Variants in TMEM63B observed in about 807,000 individuals in gnomAD.
TMEM63B encodes the protein transmembrane protein 63B.
TMEM63B carries 23 observed loss-of-function variants against 102.6 expected under a neutral mutation model. The observed-to-expected ratio is 0.22, with a 90% confidence interval of 0.16 to 0.32. The LOEUF is 0.32. TMEM63B is among the 10% of genes least tolerant of loss of function. TMEM63B has a pLI of 1.00. For synonymous variants in TMEM63B, 444 were observed against 437.0 expected (o/e 1.02, Z -0.20); for missense variants, 628 against 1,095.9 (o/e 0.57, Z 6.03).
chr6:44,154,322 G>GAA (rs1767534513), intron 22 of TMEM63B, 43 bp from the exon 23 acceptor site: 7 of 1,607,594 alleles, frequency 4.4e-6, no homozygotes, highest in Non-Finnish European at 6.0e-6. Flanking sequence ...GATCAGGGCT[G>GAA]AGGACATGCC....
In TMEM63B at chr6:44,152,104, G is replaced by A. The variant is rs1361210172; in HGVS notation, c.1836+96G>A. On this transcript the variant is annotated intron_variant, in intron 19 of 23. Transcript: ENST00000323267. This position sits in a 1 kb window ranked among gnomAD's most constrained non-coding sequence, Gnocchi z 6.4. ...GCGCTAGGGTTGAGGGGCACAGGAG[G>A]GCTGAGACTTGGGGAGTACAGTTGA... 3 of 1,421,404 alleles carry A rather than the reference G, an allele frequency of 2.1e-6. No homozygotes were observed. The highest frequency in any genetic ancestry group is 2.7e-5 in the Admixed American group (1 of 36,756). The allele number at this position is 1,421,404 out of a possible 1,614,324, so 88.0% of individuals were successfully genotyped here. A position where few individuals can be genotyped will look rare whatever the true frequency, so the allele number is the denominator to read the frequency against.
chr6:44,147,566 C>T, intron 12 of TMEM63B, 66 bp downstream of exon 12: 1 of 1,581,306 alleles, frequency 6.3e-7, no homozygotes, highest in Non-Finnish European at 8.6e-7. Flanking sequence ...AAGGCTGGGG[C>T]CCTGCCCTCA....
chr6:44,150,051 T>C lies in TMEM63B; in HGVS notation c.1520+86T>C. ...CTGGGCAGCACTTTGCCCTTCAGGC[T>C]CCTGGCCCTGGGCAGTCCCACAGCT... On this transcript the variant is annotated intron_variant, in intron 16 of 23. Transcript: ENST00000323267. The surrounding 1 kb of genome is among the most constrained non-coding windows in gnomAD (Gnocchi z 4.7). 1 of 1,449,336 alleles carries C rather than the reference T, an allele frequency of 6.9e-7. No individual in the cohort carries two copies. Among genetic ancestry groups the C allele is most frequent in the Non-Finnish European group, 9.5e-7 (1 of 1,052,116 alleles). The allele number at this position is 1,449,336 out of a possible 1,614,324, so 89.8% of individuals were successfully genotyped here. A position where few individuals can be genotyped will look rare whatever the true frequency, so the allele number is the denominator to read the frequency against.
In TMEM63B at chr6:44,149,398, G is replaced by A. The variant is rs544393182; in HGVS notation, c.1413+453G>A. 1.2e-4 allele frequency: 35 copies of A among 299,544 alleles called. No homozygotes were observed. In the South Asian group the frequency reaches 1.3e-3, roughly 11 times the overall value. The allele number at this position is 299,544 out of a possible 1,614,324, so 18.6% of individuals were successfully genotyped here. A position where few individuals can be genotyped will look rare whatever the true frequency, so the allele number is the denominator to read the frequency against. ...CCTCACCTCTCCTCCCACGCATAGA[G>A]CATACCTCTTTAGAACCTCAGAGTT... On this transcript the variant is annotated intron_variant, in intron 15 of 23. Coordinates refer to ENST00000323267, the MANE Select transcript of TMEM63B (RefSeq NM_018426.3).
At chr6:44,138,657 C>T in intron 6 of TMEM63B, 140 bp downstream of exon 6, 3 of 965,166 alleles carry the variant, frequency 3.1e-6, no homozygotes. Context: ...CTCTCAAAGG[C>T]CAAGCCTCGG....
At position 44,149,970 on chromosome 6, in the gene TMEM63B, G is replaced by A; in HGVS notation, c.1520+5G>A. The stretch of plus-strand genomic sequence containing the variant: ...CTTTGAAGCCCACTGGACACGGTAA[G>A]GTGCCTCCACTCACACCACACCTCG... On this transcript the variant is annotated splice_donor_5th_base_variant and intron_variant, in intron 16 of 23. Coordinates refer to ENST00000323267, the MANE Select transcript of TMEM63B (RefSeq NM_018426.3). The A allele has an allele frequency of 6.2e-7, 1 of 1,611,984 alleles. No individual in the cohort carries two copies. The highest frequency in any genetic ancestry group is 8.5e-7 in the Non-Finnish European group (1 of 1,178,910).
chr6:44,152,039 A>AC lies in TMEM63B; in HGVS notation c.1836+32dup. 1 of 1,565,886 alleles carries AC rather than the reference A, an allele frequency of 6.4e-7. No homozygotes were observed. ...GCCGCCTGGGGCAGCAGCGGCCCGC[A>AC]CAGCGCCCCCTGGTGGCCCAACAAG... is the stretch of plus-strand genomic sequence containing the variant. On this transcript the variant is annotated intron_variant, in intron 19 of 23. Transcript: ENST00000323267. The surrounding 1 kb of genome is among the most constrained non-coding windows in gnomAD (Gnocchi z 6.4).
chr6:44,144,059 C>T (rs1415943810), intron 10 of TMEM63B, among the ~76,000 whole-genome samples: 1 of 152,166 alleles, frequency 6.6e-6, no homozygotes, highest in African/African-American at 2.4e-5. Context: ...AGCCTATAAG[C>T]AGGGGTAAGG....
intron 5 of TMEM63B, 24 bp from the exon 6 acceptor site, chr6:44,138,456 G>T (rs758246697): frequency 6.2e-7 from 1 of 1,613,894 alleles, no homozygotes; most frequent in South Asian, 1.1e-5. Context: ...GGGGACTCCC[G>T]CTGACAGCCC....
chr6:44,134,895 C>A, intron 2 of TMEM63B, 122 bp from the exon 3 acceptor site: 1 of 1,490,390 alleles, frequency 6.7e-7, no homozygotes, highest in Admixed American at 1.8e-5. Context: ...CGCCTTTGAC[C>A]ATTCACCCAA....
chr6:44,128,549 G>C (rs1422904846), intron 1 of TMEM63B, among the ~76,000 whole-genome samples: 1 of 152,272 alleles, frequency 6.6e-6, no homozygotes, highest in African/African-American at 2.4e-5. Flanking sequence ...AGGTCAGAGG[G>C]GCTGGCTGCC....
In TMEM63B at chr6:44,136,384, G is replaced by A. The variant is rs750572327; in HGVS notation, c.314G>A (p.Arg105Gln). 3.0e-5 allele frequency: 48 copies of A among 1,614,054 alleles called. No individual in the cohort carries two copies. The highest frequency in any genetic ancestry group is 9.3e-5 in the African/African-American group (7 of 75,016). ...GCTATGCACGGGGACAGCCATGACC[G>A]GTATGAGCGTCTCACCTCTGTCTCC... ...ASAMHGDSHD[R>Q]YERLTSVSSS... The change falls in exon 5 of 24, where the codon CGG becomes CAG. Residue 105 changes from arginine to glutamine, a missense_variant. This residue lies in a region of TMEM63B where 336 missense variants were observed against 580.3 expected (regional missense o/e 0.58). Coordinates refer to ENST00000323267, the MANE Select transcript of TMEM63B (RefSeq NM_018426.3).
intron 8 of TMEM63B, among the ~76,000 whole-genome samples, 166 bp from the exon 9 acceptor site, chr6:44,140,086 A>G (rs1763922201): frequency 6.6e-6 from 1 of 152,134 alleles, no homozygotes; most frequent in Non-Finnish European, 1.5e-5. Context: ...TTTGGTGTCT[A>G]GGGGATGTGG....
chr6:44,152,774 A>T lies in TMEM63B; in HGVS notation c.1942+76A>T. ...TTCACCCTCTCCACTCTAGGAATGCAGGCCACCCCGAGTGGACAGGGCCCG... is the reference window on the plus strand; with the variant it reads ...TTCACCCTCTCCACTCTAGGAATGCTGGCCACCCCGAGTGGACAGGGCCCG... On this transcript the variant is annotated intron_variant, in intron 20 of 23. Coordinates refer to ENST00000323267, the MANE Select transcript of TMEM63B (RefSeq NM_018426.3). This position sits in a 1 kb window ranked among gnomAD's most constrained non-coding sequence, Gnocchi z 6.4. 7.8e-7 allele frequency: 1 copy of T among 1,276,726 alleles called. No individual in the cohort carries two copies. The highest frequency in any genetic ancestry group is 1.8e-5 in the Admixed American group (1 of 54,440). The allele number at this position is 1,276,726 out of a possible 1,614,324, so 79.1% of individuals were successfully genotyped here.
chr6:44,151,619 A>C (rs1347288703), intron 18 of TMEM63B, among the ~76,000 whole-genome samples: 1 of 151,196 alleles, frequency 6.6e-6, no homozygotes, highest in Non-Finnish European at 1.5e-5. Context: ...GGTCTTGAGC[A>C]CTCTCTCCAT....
Position 44,150,479 on chromosome 6 carries a change from G to A in TMEM63B, c.1608-85G>A. 6.5e-7 allele frequency: 1 copy of A among 1,546,646 alleles called. No homozygotes were observed. Among genetic ancestry groups the A allele is most frequent in the Non-Finnish European group, 8.9e-7 (1 of 1,120,866 alleles). On this transcript the variant is annotated intron_variant, in intron 17 of 23. Transcript: ENST00000323267. The surrounding 1 kb of genome is among the most constrained non-coding windows in gnomAD (Gnocchi z 4.7). ...CACCCCATGTCTGGGAGTCTCCCCA[G>A]TGGCTCACAGAGGAGGGACTTCCCC...
Position 44,152,727 on chromosome 6 carries a change from C to T in TMEM63B, c.1942+29C>T, listed in dbSNP as rs1460508190. 3 of 1,574,122 alleles carry T rather than the reference C, an allele frequency of 1.9e-6. No homozygotes were observed. Among genetic ancestry groups the T allele is most frequent in the South Asian group, 1.1e-5 (1 of 90,240 alleles). On this transcript the variant is annotated intron_variant, in intron 20 of 23. Coordinates refer to ENST00000323267, the MANE Select transcript of TMEM63B (RefSeq NM_018426.3). This position sits in a 1 kb window ranked among gnomAD's most constrained non-coding sequence, Gnocchi z 6.4. ...GGCACCGCCGCGCCGGGACCTGGGC[C>T]CTGCTCGGGGGGACCCAGGACTTCA...
chr6:44,148,301 A>G lies in TMEM63B; in HGVS notation c.1037A>G (p.Asp346Gly). 1 of 1,614,250 alleles carries G rather than the reference A, an allele frequency of 6.2e-7. No individual in the cohort carries two copies. The highest frequency in any genetic ancestry group is 1.3e-5 in the African/African-American group (1 of 75,070). ...YTKLEQKLKE[D>G]YKREKEKVNE... Reference sequence around the variant, plus strand: ...AAGCTGGAGCAGAAGCTGAAGGAAGACTACAAGCGGGAGAAGGAGAAGGTG... The same window carrying G: ...AAGCTGGAGCAGAAGCTGAAGGAAGGCTACAAGCGGGAGAAGGAGAAGGTG... The change falls in exon 13 of 24, where the codon GAC becomes GGC. Residue 346 changes from aspartate to glycine, a missense_variant. Around this residue, in one of 6 missense-constraint regions of TMEM63B, gnomAD observed 336 missense variants for 580.3 expected, o/e 0.58. Transcript: ENST00000323267. This position sits in a 1 kb window ranked among gnomAD's most constrained non-coding sequence, Gnocchi z 5.1.
intron 10 of TMEM63B, among the ~76,000 whole-genome samples, chr6:44,144,448 G>C (rs1415952776): frequency 6.6e-6 from 1 of 152,164 alleles, no homozygotes; most frequent in Admixed American, 6.5e-5. Flanking sequence ...CAGAGGAAAG[G>C]TCTCTAGCCT....
Sources: gnomAD v4.1 joint callset for allele counts (sites outside exome capture counted in the v4.1 genomes callset) on GRCh38, gnomAD v4.1.1 for gene constraint, gnomAD v4.1.1 regional missense constraint, Gnocchi (gnomAD v3.1) non-coding constraint, MANE v1.5 for transcripts, NCBI Gene and HGNC (gene_info 2026-07-23, HGNC 2026-07-21) for gene names.